The following GSE1 variants were observed in gnomAD, a reference collection of about 807,000 sequenced individuals.
GSE1 encodes genetic suppressor element 1.
GSE1 carries 32 observed loss-of-function variants against 112.6 expected under a neutral mutation model. The ratio of observed to expected loss-of-function variants is 0.28; its 90% CI spans 0.21 to 0.38. The LOEUF is 0.38. Ranked by LOEUF, GSE1 falls within the 10% of genes least tolerant of loss-of-function variation. GSE1 has a pLI of 1.00. For synonymous variants in GSE1, 1,115 were observed against 735.6 expected (o/e 1.52, Z -8.35); for missense variants, 2,348 against 1,699.2 (o/e 1.38, Z -6.71).
chr16:85,198,703 C>G (rs546401729), intron 1 of GSE1, among the ~76,000 whole-genome samples: 1 of 152,290 alleles, frequency 6.6e-6, no homozygotes, highest in Non-Finnish European at 1.5e-5. Flanking sequence ...TGCAGAGACC[C>G]CCCACCCCGA....
chr16:85,359,252 T>C (rs2047014720), intron 2 of GSE1: 1 of 376,104 alleles, frequency 2.7e-6, no homozygotes, highest in Non-Finnish European at 5.3e-6. Context: ...TGTTTGGCGA[T>C]GCGTCCTCCT....
intron 1 of GSE1, among the ~76,000 whole-genome samples, chr16:85,250,097 G>A (rs1002743762): frequency 2.0e-5 from 3 of 152,208 alleles, no homozygotes; most frequent in Non-Finnish European, 2.9e-5. Flanking sequence ...CGGCGGCCTC[G>A]GCAGCTCTGC....
At chr16:85,222,682 C>T (rs756374941) in intron 1 of GSE1, among the ~76,000 whole-genome samples, 2 of 152,170 alleles carry the variant, frequency 1.3e-5, no homozygotes, top group Non-Finnish European at 1.5e-5. Context: ...AAACGGAAAA[C>T]GTGGCCCAAT....
At chr16:85,647,809 A>T (rs6539974) in intron 2 of GSE1, among the ~76,000 whole-genome samples, 101,155 of 151,494 alleles carry the variant, frequency 0.67, 34,382 homozygotes, top group Middle Eastern at 0.8. Flanking sequence ...ATGGTCTCGA[A>T]CTCCTGACCT....
chr16:85,562,055 G>A (rs1389177051), intron 1 of GSE1, among the ~76,000 whole-genome samples: 1 of 152,242 alleles, frequency 6.6e-6, no homozygotes, highest in Non-Finnish European at 1.5e-5. Flanking sequence ...TAGCTGTGGC[G>A]CCGGAGCCAC....
chr16:85,221,467 G>A (rs148712317), intron 1 of GSE1, among the ~76,000 whole-genome samples: 246 of 151,962 alleles, frequency 1.6e-3, no homozygotes, highest in African/African-American at 5.6e-3. Context: ...ACACACAGAC[G>A]CACACAGACA....
rs1470986894 is a variant in GSE1, at chr16:85,545,179, G to A, written c.2465-88735G>A. 4.6e-5 allele frequency among the ~76,000 whole-genome samples: 7 copies of A among 152,234 alleles called. No homozygotes were observed. The South Asian group carries it at 1.2e-3, about 27-fold the overall frequency. Reference sequence around the variant, plus strand: ...AGGCAGAGGGTCCCTTCACAGGGATGAGCTATGTGGCCTGGGCAGTCCCCA... The same window carrying A: ...AGGCAGAGGGTCCCTTCACAGGGATAAGCTATGTGGCCTGGGCAGTCCCCA... On this transcript the variant is annotated intron_variant, in intron 2 of 2. Coordinates refer to the GSE1 transcript ENST00000637419.
chr16:85,338,908 G>A (rs933766060), intron 1 of GSE1, among the ~76,000 whole-genome samples: 7 of 152,238 alleles, frequency 4.6e-5, no homozygotes, highest in Admixed American at 6.5e-5. Context: ...TGGAATGAGC[G>A]CGTGTCTGCA....
chr16:85,599,040 G>A (rs911996352), intron 1 of GSE1, among the ~76,000 whole-genome samples: 13 of 152,198 alleles, frequency 8.5e-5, no homozygotes, highest in Non-Finnish European at 1.8e-4. Flanking sequence ...AGTAACCGCA[G>A]GAGACGTCTT....
intron 2 of GSE1, among the ~76,000 whole-genome samples, chr16:85,537,345 G>T (rs2044364912): frequency 6.6e-6 from 1 of 152,216 alleles, no homozygotes; most frequent in African/African-American, 2.4e-5. Context: ...GGGCGGGACA[G>T]TGGAGACAGG....
At chr16:85,399,740 C>A (rs531845044) in intron 2 of GSE1, among the ~76,000 whole-genome samples, 2 of 152,164 alleles carry the variant, frequency 1.3e-5, no homozygotes, top group Admixed American at 6.5e-5. Flanking sequence ...CTACACTTGG[C>A]GGGGTGCACA....
At chr16:85,319,480 G>A (rs1241463927) in intron 1 of GSE1, among the ~76,000 whole-genome samples, 1 of 151,776 alleles carries the variant, frequency 6.6e-6, no homozygotes, top group Non-Finnish European at 1.5e-5. Context: ...AGCGGGAGTG[G>A]GTGGGGTGGC....
intron 1 of GSE1, among the ~76,000 whole-genome samples, chr16:85,215,761 G>C (rs1431437071): frequency 6.6e-6 from 1 of 152,132 alleles, no homozygotes; most frequent in Admixed American, 6.5e-5. Flanking sequence ...TTCTGGGGGG[G>C]TGTGATTATT....
chr16:85,667,503 G>T (rs1199121028), intron 13 of GSE1, among the ~76,000 whole-genome samples: 2 of 152,242 alleles, frequency 1.3e-5, no homozygotes, highest in African/African-American at 4.8e-5. Flanking sequence ...GATCAAAACA[G>T]CCACGCCTTG....
intron 1 of GSE1, among the ~76,000 whole-genome samples, chr16:85,297,758 A>T (rs1324751873): frequency 3.3e-5 from 5 of 152,106 alleles, no homozygotes; most frequent in African/African-American, 1.2e-4. Context: ...GGATCCTCCC[A>T]CCTTGGCCTC....
chr16:85,307,246 A>G lies in GSE1; in HGVS notation c.2284-50217A>G, dbSNP rs532968480. ...TGGAGAGGCAGGTACACTCCGTGTC[A>G]GGCCTGGAGGCTCCTTGTCAGTGGC... On this transcript the variant is annotated intron_variant, in intron 1 of 2. Transcript: ENST00000637419. Among the ~76,000 whole-genome samples, 294 of 152,326 alleles carry G rather than the reference A, an allele frequency of 1.9e-3. 2 individuals carry two copies. The highest frequency in any genetic ancestry group is 3.1e-3 in the Non-Finnish European group (209 of 68,024).
chr16:85,633,381 T>TG (rs2049709750), intron 1 of GSE1, among the ~76,000 whole-genome samples: 2 of 152,020 alleles, frequency 1.3e-5, no homozygotes, highest in South Asian at 2.1e-4. Context: ...TTCTGTAACG[T>TG]GGGGCAGAAC....
intron 2 of GSE1, among the ~76,000 whole-genome samples, chr16:85,513,440 T>A (rs1003782384): frequency 6.6e-6 from 1 of 152,098 alleles, no homozygotes. Flanking sequence ...AAACAGTGCC[T>A]AGAAGCACTA....
At chr16:85,585,252 G>T (rs1567616152) in intron 1 of GSE1, among the ~76,000 whole-genome samples, 1 of 152,148 alleles carries the variant, frequency 6.6e-6, no homozygotes, top group Non-Finnish European at 1.5e-5. Context: ...GGCGTCCTGG[G>T]GTCCAGAGGC....
Sources: allele counts gnomAD v4.1 joint callset (sites outside exome capture counted in the v4.1 genomes callset), GRCh38; gene constraint gnomAD v4.1.1; transcripts MANE v1.5; gene names NCBI Gene and HGNC (gene_info 2026-07-23, HGNC 2026-07-21).